The following CRLF3 variants were observed in gnomAD, a reference collection of about 807,000 sequenced individuals.
CRLF3 encodes cytokine receptor-like factor 3.
CRLF3 carries 33 observed loss-of-function variants against 55.0 expected under a neutral mutation model. That is an observed-to-expected ratio of 0.60 (90% confidence interval 0.46 to 0.80). The LOEUF (loss-of-function observed/expected upper bound fraction) is 0.80, where lower values mean the gene tolerates loss of function less well. Among genes scored for constraint, CRLF3 ranks in the 30% least tolerant of loss-of-function variants. The probability of loss-of-function intolerance (pLI) is 0.00; values close to 1 mark genes in which losing one functional copy is unlikely to be tolerated. For synonymous variants in CRLF3, 238 were observed against 196.8 expected, an observed-to-expected ratio of 1.21 and a Z score of -1.75; for missense variants, 494 against 538.4, an observed-to-expected ratio of 0.92 and a Z score of 0.82.
intron 2 of CRLF3, among the ~76,000 whole-genome samples, chr17:30,799,283 AAGTT>A (rs1431912373): frequency 6.6e-6 from 1 of 152,150 alleles, no homozygotes; most frequent in African/African-American, 2.4e-5. Context: ...AAAAATAAAT[AAGTT>A]AATTAATTAA....
chr17:30,795,127 ACAGT>A lies in CRLF3; in HGVS notation c.603+1029_603+1032del, dbSNP rs1442081506. 3.9e-5 allele frequency among the ~76,000 whole-genome samples: 6 copies of A among 152,320 alleles called. No individual in the cohort carries two copies. The East Asian group carries it at 1.2e-3, about 29-fold the overall frequency. On this transcript the variant is annotated intron_variant, in intron 4 of 7. Transcript: ENST00000324238. ...TAGGAAAAATAATAAAAATGGAATG[ACAGT>A]CCTGTTAGAAAATAACAACAGCATG...
chr17:30,820,387 T>G (rs1904954947), intron 1 of CRLF3, among the ~76,000 whole-genome samples: 1 of 152,192 alleles, frequency 6.6e-6, no homozygotes, highest in Admixed American at 6.6e-5. Flanking sequence ...GATAAGAAAC[T>G]AAAGCAAAGA....
Position 30,783,967 on chromosome 17 carries a change from ATT to A in CRLF3, c.*218_*219del. On this transcript the variant is annotated 3_prime_UTR_variant, in exon 8 of 8. Coordinates refer to ENST00000324238, the MANE Select transcript of CRLF3 (RefSeq NM_015986.4). ...AATTTGATTTTTATTGTGATGTGAT[ATT>A]TAACAGTATGCTAAAAATAAAATTG... 2.0e-6 allele frequency: 1 copy of A among 497,622 alleles called. No homozygotes were observed. Among genetic ancestry groups the A allele is most frequent in the Non-Finnish European group, 3.6e-6 (1 of 281,604 alleles). The allele number at this position is 497,622 out of a possible 1,614,324, so 30.8% of individuals were successfully genotyped here.
chr17:30,807,387 GAATAC>G (rs1482143244), intron 1 of CRLF3, among the ~76,000 whole-genome samples: 1 of 151,288 alleles, frequency 6.6e-6, no homozygotes, highest in Non-Finnish European at 1.5e-5. Context: ...TTAAAAAGCA[GAATAC>G]AATATTGTTT....
At chr17:30,810,736 T>C (rs1259277121) in intron 1 of CRLF3, among the ~76,000 whole-genome samples, 1 of 152,164 alleles carries the variant, frequency 6.6e-6, no homozygotes, top group African/African-American at 2.4e-5. Context: ...TTAGGGAGTA[T>C]TTCCTTCACA....
chr17:30,817,571 C>T (rs1456668847), intron 1 of CRLF3, among the ~76,000 whole-genome samples: 2 of 152,062 alleles, frequency 1.3e-5, no homozygotes, highest in Non-Finnish European at 2.9e-5. Context: ...ATACAGTAGT[C>T]TCTCAACTTT....
intron 1 of CRLF3, among the ~76,000 whole-genome samples, chr17:30,823,659 T>G (rs1905058820): frequency 6.6e-6 from 1 of 152,006 alleles, no homozygotes; most frequent in Non-Finnish European, 1.5e-5. Flanking sequence ...TATCGCCAAT[T>G]GGCAGCGGGT....
chr17:30,789,219 T>C (rs1298186306), intron 6 of CRLF3, among the ~76,000 whole-genome samples: 2 of 152,188 alleles, frequency 1.3e-5, no homozygotes, highest in East Asian at 1.9e-4. Flanking sequence ...GTGATGCATC[T>C]TTAGGAGATG....
intron 1 of CRLF3, among the ~76,000 whole-genome samples, chr17:30,806,404 A>G (rs921827757): frequency 2.0e-5 from 3 of 152,194 alleles, no homozygotes; most frequent in African/African-American, 4.8e-5. Flanking sequence ...GCTACTTGTT[A>G]TAATTCAGAC....
chr17:30,795,649 A>G (rs1971903265), intron 4 of CRLF3, among the ~76,000 whole-genome samples: 2 of 152,066 alleles, frequency 1.3e-5, no homozygotes, highest in Non-Finnish European at 2.9e-5. Flanking sequence ...CATTTAAAAA[A>G]AAAAGGCCAG....
At position 30,784,109 on chromosome 17, in the gene CRLF3, T is replaced by A. The variant is rs1971575199; in HGVS notation, c.*78A>T. The A allele has an allele frequency of 2.2e-6, 3 of 1,335,514 alleles. No homozygotes were observed. In the East Asian group the frequency reaches 7.0e-5, roughly 31 times the overall value. The allele number at this position is 1,335,514 out of a possible 1,614,324, so 82.7% of individuals were successfully genotyped here. A position where few individuals can be genotyped will look rare whatever the true frequency, so the allele number is the denominator to read the frequency against. On this transcript the variant is annotated 3_prime_UTR_variant, in exon 8 of 8. Coordinates refer to ENST00000324238, the MANE Select transcript of CRLF3 (RefSeq NM_015986.4). ...AAGTTAGAGATGAATTCAACTTTTTTTTTAAAGCAATTACAACTACGCTGG... is the reference window on the plus strand; with the variant it reads ...AAGTTAGAGATGAATTCAACTTTTTATTTAAAGCAATTACAACTACGCTGG...
At chr17:30,811,937 C>T (rs1904641929) in intron 1 of CRLF3, among the ~76,000 whole-genome samples, 1 of 150,590 alleles carries the variant, frequency 6.6e-6, no homozygotes, top group Admixed American at 6.7e-5. Flanking sequence ...GGTGAAACCC[C>T]GTCTCTACTA....
intron 1 of CRLF3, among the ~76,000 whole-genome samples, chr17:30,808,076 G>A (rs1015110086): frequency 1.3e-5 from 2 of 151,926 alleles, no homozygotes; most frequent in African/African-American, 2.4e-5. Context: ...ATAGCATCTG[G>A]TAAACAAATG....
intron 1 of CRLF3, among the ~76,000 whole-genome samples, chr17:30,804,700 T>C (rs1180203895): frequency 6.6e-6 from 1 of 152,198 alleles, no homozygotes; most frequent in African/African-American, 2.4e-5. Flanking sequence ...ATTGTATATA[T>C]ACATCTTCCA....
chr17:30,796,478 T>C, intron 3 of CRLF3, 141 bp from the exon 4 acceptor site: 1 of 578,428 alleles, frequency 1.7e-6, no homozygotes, highest in Non-Finnish European at 2.9e-6. Flanking sequence ...ATTTGCAAGA[T>C]GTTACACAAA....
intron 7 of CRLF3, among the ~76,000 whole-genome samples, 180 bp downstream of exon 7, chr17:30,785,739 G>A (rs1011547146): frequency 1.3e-5 from 2 of 150,768 alleles, no homozygotes; most frequent in African/African-American, 4.9e-5. Flanking sequence ...CTACGATCAT[G>A]CCACTGTACT....
At chr17:30,795,772 CA>C (rs1190462338) in intron 4 of CRLF3, among the ~76,000 whole-genome samples, 2 of 151,810 alleles carry the variant, frequency 1.3e-5, no homozygotes, top group East Asian at 3.9e-4. Context: ...CTCGTCTCTA[CA>C]AAAAATACAA....
intron 1 of CRLF3, among the ~76,000 whole-genome samples, chr17:30,814,974 G>C (rs919481167): frequency 1.3e-5 from 2 of 151,454 alleles, no homozygotes; most frequent in African/African-American, 4.8e-5. Context: ...TTGCACTCCA[G>C]CCTGGGCAAC....
chr17:30,813,702 A>G (rs1197420026), intron 1 of CRLF3, among the ~76,000 whole-genome samples: 4 of 151,620 alleles, frequency 2.6e-5, no homozygotes, highest in Admixed American at 6.6e-5. Context: ...TGCTGCCCCT[A>G]TTAACTCGTC....
Sources: allele counts gnomAD v4.1 joint callset (sites outside exome capture counted in the v4.1 genomes callset), GRCh38; gene constraint gnomAD v4.1.1; transcripts MANE v1.5; gene names NCBI Gene and HGNC (gene_info 2026-07-23, HGNC 2026-07-21).